The following GPR4 variants were observed in gnomAD, a reference collection of about 807,000 sequenced individuals.
The protein encoded by GPR4 is G-prodeshotein coupled receptor 4.
GPR4 carries 11 observed loss-of-function variants against 17.8 expected under a neutral mutation model. The ratio of observed to expected loss-of-function variants is 0.62; its 90% CI spans 0.39 to 1.02. GPR4 has a LOEUF of 1.02. Ranked by LOEUF, GPR4 falls within the 50% of genes least tolerant of loss-of-function variation. The pLI is 0.00. For synonymous variants in GPR4, 219 were observed against 222.8 expected, an observed-to-expected ratio of 0.98 and a Z score of 0.15; for missense variants, 364 against 495.4, an observed-to-expected ratio of 0.73 and a Z score of 2.52.
intron 1 of GPR4, among the ~76,000 whole-genome samples, chr19:45,594,078 A>ATATATTTTTTTTTTATATATATTT (rs1555738349): frequency 1.3e-5 from 1 of 74,608 alleles, no homozygotes; most frequent in Admixed American, 1.6e-4. Flanking sequence ...ATATATATAT[A>ATATATTTTTTTTTTATATATATTT]TATATATATA....
chr19:45,590,698 AC>A lies in GPR4; in HGVS notation c.*79del. The A allele has an allele frequency of 1.4e-6, 2 of 1,480,344 alleles. No individual in the cohort carries two copies. Among genetic ancestry groups the A allele is most frequent in the South Asian group, 2.7e-5 (2 of 73,388 alleles). 91.7% of individuals were successfully genotyped at this position (1,480,344 alleles called of 1,614,324 possible). A position where few individuals can be genotyped will look rare whatever the true frequency, so the allele number is the denominator to read the frequency against. ...AATATTAACACAGCCCTTTTTCCATACAATTTGCATACACCAGACCAGGAGA... is the reference window on the plus strand; with the variant it reads ...AATATTAACACAGCCCTTTTTCCATAAATTTGCATACACCAGACCAGGAGA... On this transcript the variant is annotated 3_prime_UTR_variant, in exon 2 of 2. Transcript: ENST00000323040.
Position 45,591,248 on chromosome 19 carries a change from C to T in GPR4, c.619G>A (p.Ala207Thr). Residue 207 changes from alanine (A) to threonine (T), a missense_variant, in exon 2 of 2, where the codon GCC becomes ACC. Physicochemically the swap from Ala to Thr is moderately conservative, Grantham distance 58. This residue lies in a region of GPR4 where 271 missense variants were observed against 373.1 expected (regional missense o/e 0.73). Transcript: ENST00000323040. The surrounding 1 kb of genome is among the most constrained non-coding windows in gnomAD (Gnocchi z 7.6). Reference sequence around the variant, plus strand: ...TCGGTGGACACGCTGCCCCGCACGGCCCGCAGGATGCCCCGGTACGACAGC... The same window carrying T: ...TCGGTGGACACGCTGCCCCGCACGGTCCGCAGGATGCCCCGGTACGACAGC... ...MLLSYRGILR[A>T]VRGSVSTERQ... The T allele has an allele frequency of 6.2e-7, 1 of 1,613,238 alleles. No individual in the cohort carries two copies. Among genetic ancestry groups the T allele is most frequent in the Non-Finnish European group, 8.5e-7 (1 of 1,179,940 alleles).
chr19:45,596,464 C>A (rs570657694), intron 1 of GPR4, among the ~76,000 whole-genome samples: 1 of 152,198 alleles, frequency 6.6e-6, no homozygotes, highest in Non-Finnish European at 1.5e-5. Flanking sequence ...CTTGGCCTCC[C>A]AAAGTGCTGG....
At position 45,590,627 on chromosome 19, in the gene GPR4, CA is replaced by C. The variant is rs1969979339; in HGVS notation, c.*150del. 7 of 980,782 alleles carry C rather than the reference CA, an allele frequency of 7.1e-6. No homozygotes were observed. Among genetic ancestry groups the C allele is most frequent in the Admixed American group, 3.1e-5 (1 of 32,010 alleles). The allele number at this position is 980,782 out of a possible 1,614,324, so 60.8% of individuals were successfully genotyped here. ...GGGATCTGGGAGCACAAAGGTTGAC[CA>C]GTGACACACCAACCTCACTCTTCCT... On this transcript the variant is annotated 3_prime_UTR_variant, in exon 2 of 2. Transcript: ENST00000323040.
At chr19:45,596,190 C>A (rs926389108) in intron 1 of GPR4, among the ~76,000 whole-genome samples, 1 of 148,248 alleles carries the variant, frequency 6.7e-6, no homozygotes, top group Non-Finnish European at 1.5e-5. Context: ...AAAGATCTTT[C>A]TTTTCTTTTC....
chr19:45,593,943 G>A (rs995755618), intron 1 of GPR4, among the ~76,000 whole-genome samples: 29 of 148,112 alleles, frequency 2.0e-4, no homozygotes, highest in African/African-American at 6.0e-4. Context: ...GCAGTAGCAC[G>A]ATCACAGCTC....
intron 1 of GPR4, chr19:45,599,542 G>T (rs767766245): frequency 3.7e-4 from 56 of 151,980 alleles, no homozygotes; most frequent in Non-Finnish European, 5.0e-4. Context: ...CCTGGCGGCC[G>T]GCGGAAACCA....
chr19:45,595,275 CTAAA>C (rs72050823), intron 1 of GPR4, among the ~76,000 whole-genome samples: 29,555 of 138,106 alleles, frequency 0.21, 3,178 homozygotes, highest in Middle Eastern at 0.26. Flanking sequence ...AACTCCATCT[CTAAA>C]TAAATAAATA....
Position 45,591,092 on chromosome 19 carries a change from C to T in GPR4, c.775G>A (p.Gly259Ser). The T allele has an allele frequency of 3.7e-6, 6 of 1,613,910 alleles. No homozygotes were observed. Among genetic ancestry groups the T allele is most frequent in the Non-Finnish European group, 5.1e-6 (6 of 1,180,026 alleles). Residue 259 changes from glycine to serine, a missense_variant, in exon 2 of 2, where the codon GGC becomes AGC. Around this residue, in one of 3 missense-constraint regions of GPR4, gnomAD observed 271 missense variants for 373.1 expected, o/e 0.73. Coordinates refer to ENST00000323040, the MANE Select transcript of GPR4 (RefSeq NM_005282.3). This position sits in a 1 kb window ranked among gnomAD's most constrained non-coding sequence, Gnocchi z 7.6. The stretch of plus-strand genomic sequence containing the variant: ...GCAGAAAAGACGCGCTCCTCGAAGC[C>T]GCAGTCCCAGGGGCGGCCCAGGTAG... Reference protein sequence around the residue: ...AIYLGRPWDCGFEERVFSAYH... With the variant: ...AIYLGRPWDCSFEERVFSAYH...
chr19:45,591,731 C>T lies in GPR4; in HGVS notation c.136G>A (p.Val46Met), dbSNP rs1969998461. 7 of 1,613,902 alleles carry T rather than the reference C, an allele frequency of 4.3e-6. No individual in the cohort carries two copies. Among genetic ancestry groups the T allele is most frequent in the Non-Finnish European group, 5.9e-6 (7 of 1,179,984 alleles). Residue 46 changes from valine to methionine, a missense_variant, in exon 2 of 2, where the codon GTG (valine) becomes ATG (methionine). This residue lies in a region of GPR4 where 271 missense variants were observed against 373.1 expected (regional missense o/e 0.73). Transcript: ENST00000323040. The surrounding 1 kb of genome is among the most constrained non-coding windows in gnomAD (Gnocchi z 7.6). ...ACGCCCAGCTCGTTGCGCTGTTGCACCTGGCGGTAGGCCGCCCACAGAGCC... is the reference window on the plus strand; with the variant it reads ...ACGCCCAGCTCGTTGCGCTGTTGCATCTGGCGGTAGGCCGCCCACAGAGCC... ...CLALWAAYRQ[V>M]QQRNELGVYL... is the part of the protein sequence containing the mutation.
chr19:45,598,982 C>T (rs920350416), intron 1 of GPR4, among the ~76,000 whole-genome samples: 5 of 152,288 alleles, frequency 3.3e-5, no homozygotes, highest in South Asian at 4.1e-4. Context: ...CCCATAACCC[C>T]GTTCCCCTTC....
rs1284729161 is a variant in GPR4 at position 45,591,036 on chromosome 19, G to T, written c.831C>A (p.Leu277=). ...AYHSSLAFTS[L]NCVADPILYC... ...AGAGGATGGGGTCCGCCACACAGTT[G>T]AGGCTGGTGAAAGCCAGTGAGCTGT... The change falls in exon 2 of 2, where the codon CTC becomes CTA. Residue 277 remains leucine, a synonymous_variant. Coordinates refer to ENST00000323040, the MANE Select transcript of GPR4 (RefSeq NM_005282.3). This position sits in a 1 kb window ranked among gnomAD's most constrained non-coding sequence, Gnocchi z 7.6. The T allele has an allele frequency of 6.2e-7, 1 of 1,614,012 alleles. No individual in the cohort carries two copies. The highest frequency in any genetic ancestry group is 8.5e-7 in the Non-Finnish European group (1 of 1,180,048).
intron 1 of GPR4, among the ~76,000 whole-genome samples, chr19:45,595,301 AAATAAATAAATAAAT>A (rs1056942044): frequency 7.1e-6 from 1 of 140,430 alleles, no homozygotes; most frequent in African/African-American, 2.6e-5. Flanking sequence ...ATAAATAAAT[AAATAAATAAATAAAT>A]AAAAAATAAC....
chr19:45,600,045 C>G (rs867099947), intron 1 of GPR4, among the ~76,000 whole-genome samples: 2 of 152,186 alleles, frequency 1.3e-5, no homozygotes, highest in African/African-American at 4.8e-5. Context: ...TTCTTTCCCC[C>G]CTTCTCTCGC....
At chr19:45,594,417 G>A (rs890040145) in intron 1 of GPR4, among the ~76,000 whole-genome samples, 3 of 90,956 alleles carry the variant, frequency 3.3e-5, no homozygotes, top group East Asian at 3.0e-4. Context: ...GCCAGACTCC[G>A]TCTCAAAAAA....
chr19:45,594,729 T>C (rs1970039709), intron 1 of GPR4, among the ~76,000 whole-genome samples: 1 of 144,444 alleles, frequency 6.9e-6, no homozygotes, highest in African/African-American at 2.6e-5. Flanking sequence ...ATGCCTGTAA[T>C]CCCAGCACTT....
chr19:45,597,246 T>G (rs1359114084), intron 1 of GPR4, among the ~76,000 whole-genome samples: 1 of 152,052 alleles, frequency 6.6e-6, no homozygotes, highest in Admixed American at 6.6e-5. Context: ...TTTTTGTATT[T>G]TTAGTAGAGA....
chr19:45,601,103 G>C (rs941065775), intron 1 of GPR4, among the ~76,000 whole-genome samples: 1 of 152,040 alleles, frequency 6.6e-6, no homozygotes, highest in Non-Finnish European at 1.5e-5. Flanking sequence ...CTCAGGAGGA[G>C]GGGGGCTGAT....
At chr19:45,593,653 C>CTAGT (rs1470756249) in intron 1 of GPR4, among the ~76,000 whole-genome samples, 2 of 151,916 alleles carry the variant, frequency 1.3e-5, no homozygotes, top group East Asian at 3.9e-4. Flanking sequence ...AAATGCCAGA[C>CTAGT]TAGTCTAACT....
Sources: gnomAD v4.1 joint callset for allele counts (sites outside exome capture counted in the v4.1 genomes callset) on GRCh38, gnomAD v4.1.1 for gene constraint, gnomAD v4.1.1 regional missense constraint, Gnocchi (gnomAD v3.1) non-coding constraint, MANE v1.5 for transcripts, NCBI Gene and HGNC (gene_info 2026-07-23, HGNC 2026-07-21) for gene names.